EFNB2: variants seen among roughly 807,000 people sequenced by gnomAD.
EFNB2 encodes the protein ephrin B2.
In EFNB2, 5 loss-of-function variants were observed where a neutral mutation model predicts 32.1. The observed-to-expected ratio is 0.16, with a 90% CI of 0.08 to 0.33. The LOEUF is 0.33. Ranked by LOEUF, EFNB2 falls within the 10% of genes least tolerant of loss-of-function variation. The pLI is 1.00. For missense variants in EFNB2, 263 were observed against 422.6 expected, an observed-to-expected ratio of 0.62 and a Z score of 3.31; for synonymous variants, 168 against 166.5, an observed-to-expected ratio of 1.01 and a Z score of -0.07.
At position 106,493,312 on chromosome 13, in the gene EFNB2, T is replaced by C; in HGVS notation, c.730A>G (p.Thr244Ala). The C allele has an allele frequency of 6.2e-7, 1 of 1,614,142 alleles. No homozygotes were observed. The highest frequency in any genetic ancestry group is 8.5e-7 in the Non-Finnish European group (1 of 1,180,020). The stretch of plus-strand genomic sequence containing the variant: ...TACTTCAGCAAGAGGACCACCAGCG[T>C]GATGATGATGACGATGAAGATGATG... The part of the protein sequence containing the change: ...GCIIFIVIII[T>A]LVVLLLKYRR... Residue 244 changes from threonine to alanine, a missense_variant, in exon 5 of 5, where the codon ACG becomes GCG. Thr to Ala is a moderately conservative substitution (Grantham distance 58). Coordinates refer to ENST00000646441, the MANE Select transcript of EFNB2 (RefSeq NM_004093.4). The surrounding 1 kb of genome is among the most constrained non-coding windows in gnomAD (Gnocchi z 6.1).
At position 106,512,544 on chromosome 13, in the gene EFNB2, C is replaced by T. The variant is rs778256043; in HGVS notation, c.391G>A (p.Asp131Asn). The change falls in exon 2 of 5, where the codon GAT becomes AAT. Residue 131 changes from aspartate to asparagine, a missense_variant. This residue lies in a region of EFNB2 where 45 missense variants were observed against 128.6 expected (regional missense o/e 0.35). Coordinates refer to ENST00000646441, the MANE Select transcript of EFNB2 (RefSeq NM_004093.4). Reference sequence around the variant, plus strand: ...TTATACTTACATATAATGTAATAATCTTTGTTCTTCTGAAATTCTAGACCC... The same window carrying T: ...TTATACTTACATATAATGTAATAATTTTTGTTCTTCTGAAATTCTAGACCC... ...LWGLEFQKNKDYYIISTSNGS... is the reference protein window; with the variant it reads ...LWGLEFQKNKNYYIISTSNGS... The T allele has an allele frequency of 1.2e-6, 2 of 1,602,044 alleles. No homozygotes were observed. Among genetic ancestry groups the T allele is most frequent in the Non-Finnish European group, 1.7e-6 (2 of 1,171,904 alleles).
intron 1 of EFNB2, among the ~76,000 whole-genome samples, chr13:106,527,310 TATAA>T (rs1234073389): frequency 6.6e-6 from 1 of 151,820 alleles, no homozygotes; most frequent in Non-Finnish European, 1.5e-5. Flanking sequence ...AAAATAATAA[TATAA>T]ATAAATTAAG....
rs77979645 is a variant in EFNB2, at chr13:106,505,512, C to T, written c.406+7017G>A. On this transcript the variant is annotated intron_variant, in intron 2 of 4. Coordinates refer to ENST00000646441, the MANE Select transcript of EFNB2 (RefSeq NM_004093.4). ...AGAGTATGTGAAGGCCACAACACTT[C>T]CCTAAGTGATCAAACACTCAGCCCG... Among the ~76,000 whole-genome samples, 279 of 152,260 alleles carry T rather than the reference C, an allele frequency of 1.8e-3. 4 individuals are homozygous for T. The highest frequency in any genetic ancestry group is 6.4e-3 in the African/African-American group (265 of 41,542).
Position 106,525,198 on chromosome 13 carries a change from T to C in EFNB2, c.122+9645A>G, listed in dbSNP as rs531001005. On this transcript the variant is annotated intron_variant, in intron 1 of 4. Transcript: ENST00000646441. ...CACTATTATGTTATTGTCCCTATTATAGAGATGGGACAACTGAGAGACACT... is the reference window on the plus strand; with the variant it reads ...CACTATTATGTTATTGTCCCTATTACAGAGATGGGACAACTGAGAGACACT... 2.8e-4 allele frequency among the ~76,000 whole-genome samples: 42 copies of C among 152,312 alleles called. No homozygotes were observed. In the South Asian group the frequency reaches 4.4e-3, roughly 16 times the overall value.
intron 3 of EFNB2, 146 bp downstream of exon 3, chr13:106,495,602 C>T: frequency 1.4e-6 from 1 of 726,780 alleles, no homozygotes. Flanking sequence ...TTGAGGAAAT[C>T]TGTCAGTGGC....
intron 2 of EFNB2, among the ~76,000 whole-genome samples, chr13:106,497,505 TA>T (rs546735575): frequency 6.6e-6 from 1 of 151,914 alleles, no homozygotes; most frequent in Admixed American, 6.6e-5. Flanking sequence ...TCTGTGAATC[TA>T]AAAAAAATCT....
At chr13:106,499,120 A>T (rs557388671) in intron 2 of EFNB2, among the ~76,000 whole-genome samples, 1 of 152,278 alleles carries the variant, frequency 6.6e-6, no homozygotes, top group Non-Finnish European at 1.5e-5. Context: ...AGTATAACGT[A>T]ATTCAAAATG....
At position 106,535,122 on chromosome 13, in the gene EFNB2, C is replaced by T; in HGVS notation, c.-158G>A. The T allele has an allele frequency of 2.3e-6, 2 of 884,546 alleles. No homozygotes were observed. Among genetic ancestry groups the T allele is most frequent in the Non-Finnish European group, 3.0e-6 (2 of 667,168 alleles). The allele number at this position is 884,546 out of a possible 1,614,324, so 54.8% of individuals were successfully genotyped here. On this transcript the variant is annotated 5_prime_UTR_variant, in exon 1 of 5. Transcript: ENST00000646441. ...TGCGCAGCTCCAGCGGTCGCCGGGC[C>T]AGGTGCGCTCGCTCTCCGGGGCCCT...
At chr13:106,526,407 G>A (rs1485057257) in intron 1 of EFNB2, among the ~76,000 whole-genome samples, 3 of 152,108 alleles carry the variant, frequency 2.0e-5, no homozygotes, top group Non-Finnish European at 4.4e-5. Flanking sequence ...CAATCATGAC[G>A]TACCGTGTAT....
At position 106,494,950 on chromosome 13, in the gene EFNB2, G is replaced by A. The variant is rs749323234; in HGVS notation, c.544C>T (p.Arg182Cys). Residue 182 changes from arginine (R) to cysteine (C), a missense_variant, in exon 4 of 5, where the codon CGT becomes TGT. Around this residue, in one of 3 missense-constraint regions of EFNB2, gnomAD observed 172 missense variants for 237.1 expected, o/e 0.73. Transcript: ENST00000646441. Reference sequence around the variant, plus strand: ...TTTGTACCAGCTTCTAGTTCTGGACGTCTTGTTGGATCTTTATTCCTGGTT... The same window carrying A: ...TTTGTACCAGCTTCTAGTTCTGGACATCTTGTTGGATCTTTATTCCTGGTT... ...GSTRNKDPTR[R>C]PELEAGTNGR... 13 of 1,614,042 alleles carry A rather than the reference G, an allele frequency of 8.1e-6. No homozygotes were observed. The highest frequency in any genetic ancestry group is 3.3e-5 in the Admixed American group (2 of 60,006).
chr13:106,495,701 G>T (rs757300743), intron 3 of EFNB2, 47 bp downstream of exon 3: 31 of 1,571,930 alleles, frequency 2.0e-5, no homozygotes, highest in Non-Finnish European at 2.7e-5. Flanking sequence ...CTAGCTGGGG[G>T]CTACACCAGG....
chr13:106,512,808 G>C lies in EFNB2; in HGVS notation c.127C>G (p.Leu43Val), dbSNP rs182884414. 16 of 1,551,728 alleles carry C rather than the reference G, an allele frequency of 1.0e-5. No homozygotes were observed. In the Admixed American group the frequency reaches 2.8e-4, roughly 27 times the overall value. The stretch of plus-strand genomic sequence containing the variant: ...TATAGTACCAGTCCTTGTCCAGGTA[G>C]AAATCTAAAAGCATAAGAAAAAAAA... Reference protein sequence around the residue: ...IYWNSSNSKFLPGQGLVLYPQ... With the variant: ...IYWNSSNSKFVPGQGLVLYPQ... The change falls in exon 2 of 5, where the codon CTA (leucine) becomes GTA (valine). Residue 43 changes from leucine to valine, a missense_variant. Coordinates refer to ENST00000646441, the MANE Select transcript of EFNB2 (RefSeq NM_004093.4).
At chr13:106,529,043 T>TA (rs1216454639) in intron 1 of EFNB2, among the ~76,000 whole-genome samples, 5 of 152,232 alleles carry the variant, frequency 3.3e-5, no homozygotes, top group African/African-American at 1.2e-4. Flanking sequence ...CCTCCCCTTT[T>TA]AAAAATTGTA....
chr13:106,502,162 T>C (rs762261870), intron 2 of EFNB2, among the ~76,000 whole-genome samples: 2 of 152,224 alleles, frequency 1.3e-5, no homozygotes, highest in Non-Finnish European at 2.9e-5. Flanking sequence ...CAGTAAATCA[T>C]GCATTAAGAA....
At chr13:106,507,305 G>T (rs796529165) in intron 2 of EFNB2, among the ~76,000 whole-genome samples, 3 of 152,202 alleles carry the variant, frequency 2.0e-5, no homozygotes, top group African/African-American at 7.2e-5. Context: ...TATTCTAAAA[G>T]AAATCTATAT....
intron 2 of EFNB2, among the ~76,000 whole-genome samples, chr13:106,507,908 T>C (rs1001023850): frequency 2.0e-5 from 3 of 152,230 alleles, no homozygotes; most frequent in Admixed American, 1.3e-4. Flanking sequence ...TGAAGCTAAA[T>C]TGGGAGGCGC....
intron 2 of EFNB2, among the ~76,000 whole-genome samples, chr13:106,505,112 C>A (rs115832128): frequency 6.6e-6 from 1 of 152,146 alleles, no homozygotes; most frequent in South Asian, 2.1e-4. Flanking sequence ...ATATGTTACA[C>A]AATATATGAC....
At chr13:106,517,763 TA>T (rs982325742) in intron 1 of EFNB2, 2 of 152,138 alleles carry the variant, frequency 1.3e-5, no homozygotes, top group African/African-American at 2.4e-5. Flanking sequence ...AGACACAATA[TA>T]ATGTGGAAAA....
chr13:106,497,520 T>A (rs1344185386), intron 2 of EFNB2, among the ~76,000 whole-genome samples: 1 of 152,124 alleles, frequency 6.6e-6, no homozygotes, highest in Non-Finnish European at 1.5e-5. Flanking sequence ...AAAATCTTTT[T>A]AATTATTTAA....
Sources: allele counts gnomAD v4.1 joint callset (sites outside exome capture counted in the v4.1 genomes callset), GRCh38; gene constraint gnomAD v4.1.1; regional missense constraint gnomAD v4.1.1; non-coding constraint Gnocchi (gnomAD v3.1); transcripts MANE v1.5; gene names NCBI Gene and HGNC (gene_info 2026-07-23, HGNC 2026-07-21).